LRMDA: variants seen among roughly 807,000 people sequenced by gnomAD.
LRMDA encodes the protein leucine-rich melanocyte differentiation-associated protein.
Under a neutral mutation model 29.8 loss-of-function variants are expected in LRMDA, and 18 were observed. The ratio of observed to expected loss-of-function variants is 0.60; its 90% confidence interval spans 0.42 to 0.90. The LOEUF (loss-of-function observed/expected upper bound fraction) is 0.90, where lower values mean the gene tolerates loss of function less well. LRMDA is among the 40% of genes least tolerant of loss of function. The pLI is 0.00. For synonymous variants in LRMDA, 125 were observed against 109.4 expected (o/e 1.14, Z -0.89); for missense variants, 273 against 273.9 (o/e 1.00, Z 0.02).
chr10:76,529,413 G>GACATTA (rs1344346888), intron 6 of LRMDA, among the ~76,000 whole-genome samples: 1 of 152,054 alleles, frequency 6.6e-6, no homozygotes, highest in African/African-American at 2.4e-5. Context: ...TTAATTTGGG[G>GACATTA]AATGAGACAT....
intron 6 of LRMDA, among the ~76,000 whole-genome samples, chr10:76,328,589 T>C (rs1331058940): frequency 6.6e-6 from 1 of 152,124 alleles, no homozygotes; most frequent in East Asian, 1.9e-4. Context: ...TAGGTAGGAC[T>C]AACTGTGGCC....
chr10:76,371,081 C>T (rs1564523055), intron 6 of LRMDA, among the ~76,000 whole-genome samples: 1 of 152,198 alleles, frequency 6.6e-6, no homozygotes, highest in East Asian at 1.9e-4. Flanking sequence ...TGCTAGATCA[C>T]CCCAGCAGGA....
chr10:76,179,737 C>T (rs1365348279), intron 5 of LRMDA, among the ~76,000 whole-genome samples: 1 of 152,140 alleles, frequency 6.6e-6, no homozygotes, highest in African/African-American at 2.4e-5. Flanking sequence ...TGTTGATCTG[C>T]CTTCAATATG....
intron 2 of LRMDA, among the ~76,000 whole-genome samples, chr10:75,966,509 A>G (rs892759841): frequency 6.6e-6 from 1 of 152,148 alleles, no homozygotes; most frequent in African/African-American, 2.4e-5. Context: ...TACCCAGTAC[A>G]TTGTTCATTC....
intron 2 of LRMDA, among the ~76,000 whole-genome samples, chr10:75,754,752 C>T (rs1489021630): frequency 6.6e-6 from 1 of 151,972 alleles, no homozygotes; most frequent in African/African-American, 2.4e-5. Flanking sequence ...TCCCCGTTTC[C>T]TTCATCCAGC....
intron 2 of LRMDA, among the ~76,000 whole-genome samples, chr10:75,608,110 G>GTATATATATATATATATATATATATA (rs10605160): frequency 9.9e-6 from 1 of 101,338 alleles, no homozygotes; most frequent in African/African-American, 2.8e-5. Context: ...TGTAGTGTGT[G>GTATATATATATATATATATATATATA]TATATATATA....
chr10:76,305,625 G>C lies in LRMDA; in HGVS notation c.517-18776G>C, dbSNP rs149595669. Among the ~76,000 whole-genome samples the C allele has an allele frequency of 6.8e-3, 1,033 of 152,266 alleles. 4 individuals carry two copies. Among genetic ancestry groups the C allele is most frequent in the Non-Finnish European group, 0.011 (741 of 68,024 alleles). On this transcript the variant is annotated intron_variant, in intron 5 of 6. Transcript: ENST00000611255. ...TAAACTTAAATTTTGCATTTCCTTTGGCTTCAGGGAGAATAAGGCTGCTAG... is the reference window on the plus strand; with the variant it reads ...TAAACTTAAATTTTGCATTTCCTTTCGCTTCAGGGAGAATAAGGCTGCTAG...
chr10:76,482,525 T>G (rs1374612100), intron 6 of LRMDA, among the ~76,000 whole-genome samples: 2 of 151,958 alleles, frequency 1.3e-5, no homozygotes, highest in African/African-American at 2.4e-5. Context: ...TAGCAGAACT[T>G]TGTTCATTCT....
At chr10:75,842,104 G>A (rs183277312) in intron 2 of LRMDA, among the ~76,000 whole-genome samples, 1 of 152,196 alleles carries the variant, frequency 6.6e-6, no homozygotes, top group Non-Finnish European at 1.5e-5. Context: ...ACTCTAAGTC[G>A]GGGTTGGCAA....
At chr10:75,755,847 C>T (rs895555940) in intron 2 of LRMDA, among the ~76,000 whole-genome samples, 2 of 152,152 alleles carry the variant, frequency 1.3e-5, no homozygotes, top group African/African-American at 4.8e-5. Flanking sequence ...CAGCTGGGAC[C>T]TTATGCTACA....
In LRMDA at chr10:76,557,346, A is replaced by G. The variant is rs1191956619; in HGVS notation, c.*58A>G. 7.3e-7 allele frequency: 1 copy of G among 1,373,088 alleles called. No homozygotes were observed. The highest frequency in any genetic ancestry group is 1.0e-6 in the Non-Finnish European group (1 of 967,780). The allele number at this position is 1,373,088 out of a possible 1,614,324, so 85.1% of individuals were successfully genotyped here. On this transcript the variant is annotated 3_prime_UTR_variant, in exon 7 of 7. Transcript: ENST00000611255. ...GAAAATAAAATCAAAAGGGAAATCAAAAATAAAGAAAACGCTAAAGAAAAA... is the reference window on the plus strand; with the variant it reads ...GAAAATAAAATCAAAAGGGAAATCAGAAATAAAGAAAACGCTAAAGAAAAA...
At chr10:75,492,428 A>C (rs896633936) in intron 2 of LRMDA, among the ~76,000 whole-genome samples, 2 of 152,202 alleles carry the variant, frequency 1.3e-5, no homozygotes, top group Non-Finnish European at 2.9e-5. Context: ...AGTATGTTAA[A>C]TGAAGTTTTA....
chr10:76,320,761 A>T (rs1168020864), intron 5 of LRMDA, among the ~76,000 whole-genome samples: 1 of 152,244 alleles, frequency 6.6e-6, no homozygotes, highest in African/African-American at 2.4e-5. Context: ...AAGAAAGAAC[A>T]TCATATATAC....
chr10:76,081,340 G>C (rs771862596), intron 5 of LRMDA, among the ~76,000 whole-genome samples: 2 of 152,108 alleles, frequency 1.3e-5, no homozygotes, highest in Non-Finnish European at 2.9e-5. Flanking sequence ...CGGGTGTGGT[G>C]GTGCCTGTAG....
intron 6 of LRMDA, among the ~76,000 whole-genome samples, chr10:76,349,194 C>A (rs758281623): frequency 3.2e-4 from 49 of 152,088 alleles, no homozygotes; most frequent in Non-Finnish European, 1.9e-4. Context: ...TGTGGGTCAG[C>A]AAACTTTTAT....
At chr10:75,695,223 T>TA (rs1051878499) in intron 2 of LRMDA, among the ~76,000 whole-genome samples, 12 of 152,160 alleles carry the variant, frequency 7.9e-5, no homozygotes, top group South Asian at 4.2e-4. Flanking sequence ...TCTGGTTTTT[T>TA]AAAAAAAATA....
chr10:75,903,937 C>T (rs1845718891), intron 2 of LRMDA, among the ~76,000 whole-genome samples: 1 of 152,184 alleles, frequency 6.6e-6, no homozygotes, highest in Non-Finnish European at 1.5e-5. Context: ...GGGATTATGA[C>T]ACTTGCTCTG....
At chr10:75,645,633 T>C (rs141782638) in intron 2 of LRMDA, among the ~76,000 whole-genome samples, 106 of 152,062 alleles carry the variant, frequency 7.0e-4, no homozygotes, top group African/African-American at 2.5e-3. Flanking sequence ...AGAGTCCTGG[T>C]GGGGGAAACT....
intron 2 of LRMDA, among the ~76,000 whole-genome samples, chr10:75,959,859 T>A (rs1846732368): frequency 1.3e-5 from 2 of 152,218 alleles, no homozygotes; most frequent in South Asian, 4.1e-4. Flanking sequence ...ACATGTGCAA[T>A]TTAAAAACAT....
Sources: allele counts gnomAD v4.1 joint callset (sites outside exome capture counted in the v4.1 genomes callset), GRCh38; gene constraint gnomAD v4.1.1; transcripts MANE v1.5; gene names NCBI Gene and HGNC (gene_info 2026-07-23, HGNC 2026-07-21).